The following DOCK3 variants were observed in gnomAD, a reference collection of about 807,000 sequenced individuals.
The protein encoded by DOCK3 is dedicator of cytokinesis 3, also known as dedicator of cytokinesis protein 3.
DOCK3 carries 60 observed loss-of-function variants against 265.6 expected under a neutral mutation model. The ratio of observed to expected loss-of-function variants is 0.23; its 90% CI spans 0.18 to 0.28. The LOEUF (loss-of-function observed/expected upper bound fraction) is 0.28, where lower values mean the gene tolerates loss of function less well. Ranked by LOEUF, DOCK3 falls within the 10% of genes least tolerant of loss-of-function variation. The pLI is 1.00. For synonymous variants in DOCK3, 881 were observed against 938.0 expected (o/e 0.94, Z 1.11); for missense variants, 1,981 against 2,594.3 (o/e 0.76, Z 5.14).
intron 1 of DOCK3, among the ~76,000 whole-genome samples, chr3:50,708,476 T>C (rs1443650155): frequency 6.6e-6 from 1 of 152,160 alleles, no homozygotes; most frequent in Non-Finnish European, 1.5e-5. Flanking sequence ...TCACTGGGGC[T>C]TTAGGGATGT....
intron 9 of DOCK3, among the ~76,000 whole-genome samples, chr3:51,139,946 G>A (rs1043297768): frequency 6.6e-6 from 1 of 152,206 alleles, no homozygotes; most frequent in Non-Finnish European, 1.5e-5. Context: ...GAATAAGCAA[G>A]AAAGGCTCAT....
At chr3:51,249,702 C>T (rs1326892484) in intron 22 of DOCK3, among the ~76,000 whole-genome samples, 4 of 127,152 alleles carry the variant, frequency 3.1e-5, no homozygotes, top group Admixed American at 2.2e-4. Flanking sequence ...AGGTGAGGGG[C>T]GCCTCTGCCC....
At chr3:50,990,633 C>G (rs1355443709) in intron 5 of DOCK3, among the ~76,000 whole-genome samples, 1 of 152,172 alleles carries the variant, frequency 6.6e-6, no homozygotes, top group South Asian at 2.1e-4. Context: ...AGTATTAACT[C>G]ACATGATCAC....
chr3:50,735,929 C>A (rs2038565632), intron 1 of DOCK3, among the ~76,000 whole-genome samples: 1 of 152,080 alleles, frequency 6.6e-6, no homozygotes, highest in Non-Finnish European at 1.5e-5. Flanking sequence ...ACTTTAAGTT[C>A]TAGGGTACGT....
chr3:51,350,191 A>T, intron 39 of DOCK3, 97 bp from the exon 40 acceptor site: 1 of 1,039,940 alleles, frequency 9.6e-7, no homozygotes, highest in Non-Finnish European at 1.4e-6. Context: ...AGTTGCCATG[A>T]TCCCTTTCCA....
chr3:50,891,467 T>G (rs984738709), intron 4 of DOCK3, among the ~76,000 whole-genome samples: 20 of 152,220 alleles, frequency 1.3e-4, no homozygotes, highest in African/African-American at 4.1e-4. Context: ...CTTATACATC[T>G]CATGTTTATG....
At chr3:51,172,179 CTTT>C (rs111238598) in intron 12 of DOCK3, among the ~76,000 whole-genome samples, 8 of 137,222 alleles carry the variant, frequency 5.8e-5, no homozygotes, top group African/African-American at 2.7e-5. Flanking sequence ...AATATCGTTT[CTTT>C]TTTTTTTTTT....
chr3:50,871,070 G>A (rs549203841), intron 3 of DOCK3, among the ~76,000 whole-genome samples: 1 of 152,022 alleles, frequency 6.6e-6, no homozygotes, highest in East Asian at 1.9e-4. Context: ...ATAATATTCT[G>A]TATTTTTCTG....
At chr3:50,804,120 G>A (rs1379246814) in intron 2 of DOCK3, among the ~76,000 whole-genome samples, 1 of 150,050 alleles carries the variant, frequency 6.7e-6, no homozygotes, top group Non-Finnish European at 1.5e-5. Context: ...GGGCAGAGGC[G>A]CTCCCCACAT....
intron 51 of DOCK3, among the ~76,000 whole-genome samples, chr3:51,379,014 T>C (rs1006282385): frequency 1.3e-5 from 2 of 152,212 alleles, no homozygotes; most frequent in Admixed American, 1.3e-4. Flanking sequence ...CTGTCCTTGC[T>C]CCCTGCTTTT....
chr3:51,368,211 A>G (rs550979678), intron 49 of DOCK3, among the ~76,000 whole-genome samples: 4 of 152,182 alleles, frequency 2.6e-5, no homozygotes, highest in Admixed American at 1.3e-4. Flanking sequence ...TTCATTTCAC[A>G]GGGGCTTGTC....
At chr3:51,204,833 G>A (rs2089071540) in intron 12 of DOCK3, among the ~76,000 whole-genome samples, 1 of 152,002 alleles carries the variant, frequency 6.6e-6, no homozygotes, top group African/African-American at 2.4e-5. Flanking sequence ...ATACTATGCA[G>A]CCATAAAAAA....
At chr3:50,692,066 C>G (rs925355965) in intron 1 of DOCK3, among the ~76,000 whole-genome samples, 1 of 152,074 alleles carries the variant, frequency 6.6e-6, no homozygotes, top group Admixed American at 6.5e-5. Context: ...AGCTGTGTGC[C>G]ACTGTGCCTA....
intron 37 of DOCK3, 79 bp from the exon 38 acceptor site, chr3:51,341,158 A>G (rs2085212016): frequency 1.4e-6 from 2 of 1,480,310 alleles, no homozygotes; most frequent in Non-Finnish European, 1.8e-6. Flanking sequence ...TCTGCCCAGC[A>G]TAGTCCTCTG....
chr3:50,922,574 C>G (rs957667260), intron 4 of DOCK3, among the ~76,000 whole-genome samples: 1 of 152,166 alleles, frequency 6.6e-6, no homozygotes, highest in Non-Finnish European at 1.5e-5. Flanking sequence ...GAGATGAACC[C>G]GGTACCTCAA....
chr3:50,904,479 A>C (rs1309925952), intron 4 of DOCK3, among the ~76,000 whole-genome samples: 2 of 152,154 alleles, frequency 1.3e-5, no homozygotes, highest in Non-Finnish European at 2.9e-5. Flanking sequence ...ATAGTATCTC[A>C]TTGTGGTTTT....
At chr3:50,801,144 G>C (rs1431391640) in intron 2 of DOCK3, among the ~76,000 whole-genome samples, 1 of 152,076 alleles carries the variant, frequency 6.6e-6, no homozygotes, top group Non-Finnish European at 1.5e-5. Context: ...CTATAGAAGG[G>C]TGCACCCTCA....
intron 1 of DOCK3, among the ~76,000 whole-genome samples, chr3:50,750,941 A>G (rs907884056): frequency 5.3e-5 from 8 of 152,010 alleles, no homozygotes; most frequent in Non-Finnish European, 1.0e-4. Context: ...GTGAGCCACA[A>G]TTTTTTTTCT....
At chr3:51,373,047 G>A (rs1287223138) in intron 49 of DOCK3, among the ~76,000 whole-genome samples, 1 of 152,210 alleles carries the variant, frequency 6.6e-6, no homozygotes, top group Non-Finnish European at 1.5e-5. Flanking sequence ...GGATCACTCA[G>A]ACCAACTGTG....
Sources: gnomAD v4.1 joint callset for allele counts (sites outside exome capture counted in the v4.1 genomes callset) on GRCh38, gnomAD v4.1.1 for gene constraint, MANE v1.5 for transcripts, NCBI Gene and HGNC (gene_info 2026-07-23, HGNC 2026-07-21) for gene names.